The following TYR variants were observed in gnomAD, a reference collection of about 807,000 sequenced individuals.
The protein encoded by TYR is LB24-AB.
In TYR, 58 loss-of-function variants were observed where a neutral mutation model predicts 51.5. The observed-to-expected ratio is 1.13, with a 90% CI of 0.91 to 1.40. TYR has a LOEUF of 1.40. TYR is among the 40% of genes most tolerant of loss of function. The pLI, the probability that TYR is intolerant of heterozygous loss-of-function variation, is 0.00. For synonymous variants in TYR, 263 were observed against 235.2 expected (o/e 1.12, Z -1.08); for missense variants, 732 against 647.4 (o/e 1.13, Z -1.42).
intron 3 of TYR, among the ~76,000 whole-genome samples, chr11:89,263,549 A>C (rs1410583035): frequency 6.6e-6 from 1 of 152,118 alleles, no homozygotes; most frequent in East Asian, 1.9e-4. Flanking sequence ...AAAATTGTCC[A>C]CACTGGAAAG....
chr11:89,198,230 A>C (rs189625737), intron 2 of TYR, among the ~76,000 whole-genome samples: 92 of 152,138 alleles, frequency 6.0e-4, no homozygotes, highest in African/African-American at 1.9e-3. Flanking sequence ...ACAACAACAA[A>C]AAAAAAGGTC....
At chr11:89,223,105 G>A (rs1943934663) in intron 2 of TYR, among the ~76,000 whole-genome samples, 1 of 152,136 alleles carries the variant, frequency 6.6e-6, no homozygotes, top group East Asian at 1.9e-4. Flanking sequence ...ACAGGAATTG[G>A]AATCAATTAT....
intron 1 of TYR, among the ~76,000 whole-genome samples, chr11:89,184,584 C>T (rs1307159914): frequency 6.6e-6 from 1 of 152,028 alleles, no homozygotes. Context: ...AGTTCTAGTT[C>T]TCAATTATAT....
intron 4 of TYR, among the ~76,000 whole-genome samples, chr11:89,293,242 G>C (rs1479102530): frequency 2.6e-5 from 4 of 151,896 alleles, no homozygotes; most frequent in African/African-American, 9.7e-5. Flanking sequence ...TGCTCAGTAT[G>C]ATGGCATCTC....
chr11:89,203,744 T>C (rs1468782858), intron 2 of TYR, among the ~76,000 whole-genome samples: 1 of 151,776 alleles, frequency 6.6e-6, no homozygotes, highest in African/African-American at 2.4e-5. Flanking sequence ...CACCCAGAGG[T>C]ACAAACAAAA....
chr11:89,203,830 G>T (rs541644076), intron 2 of TYR, among the ~76,000 whole-genome samples: 12 of 152,148 alleles, frequency 7.9e-5, no homozygotes, highest in African/African-American at 2.7e-4. Flanking sequence ...AAAGAAAGGT[G>T]CAGAAAAGTT....
At chr11:89,208,916 G>A (rs1591155611) in intron 2 of TYR, among the ~76,000 whole-genome samples, 1 of 152,158 alleles carries the variant, frequency 6.6e-6, no homozygotes, top group East Asian at 1.9e-4. Context: ...AAGAACAAAG[G>A]TAAGACCTTT....
intron 2 of TYR, among the ~76,000 whole-genome samples, chr11:89,201,601 T>C (rs1342248204): frequency 1.3e-5 from 2 of 152,354 alleles, no homozygotes; most frequent in Non-Finnish European, 2.9e-5. Flanking sequence ...GTGAAGAATA[T>C]AATAATTACA....
chr11:89,198,160 T>C (rs1252298670), intron 2 of TYR, among the ~76,000 whole-genome samples: 1 of 152,078 alleles, frequency 6.6e-6, no homozygotes, highest in African/African-American at 2.4e-5. Context: ...GAAGCCTCCA[T>C]AGGTAATCTA....
At chr11:89,235,547 A>T (rs1944100135) in intron 3 of TYR, among the ~76,000 whole-genome samples, 1 of 152,160 alleles carries the variant, frequency 6.6e-6, no homozygotes, top group Non-Finnish European at 1.5e-5. Flanking sequence ...AGGACATTAC[A>T]TTAAGTGAAA....
chr11:89,255,838 C>CT (rs922347515), intron 3 of TYR, among the ~76,000 whole-genome samples: 5 of 151,304 alleles, frequency 3.3e-5, no homozygotes, highest in African/African-American at 4.8e-5. Flanking sequence ...TTTTATTTGT[C>CT]TTTTTTTAAG....
chr11:89,285,848 G>T (rs1483271846), intron 4 of TYR, among the ~76,000 whole-genome samples: 1 of 151,796 alleles, frequency 6.6e-6, no homozygotes. Flanking sequence ...ACGCATGAGG[G>T]TTAATTATCA....
At chr11:89,180,569 T>G (rs116797466) in intron 1 of TYR, among the ~76,000 whole-genome samples, 2,965 of 150,472 alleles carry the variant, frequency 0.02, 95 homozygotes, top group African/African-American at 0.069. Context: ...AAAAAAAGTG[T>G]GTCAAGTCAG....
At chr11:89,208,039 C>T (rs999964377) in intron 2 of TYR, among the ~76,000 whole-genome samples, 9 of 152,082 alleles carry the variant, frequency 5.9e-5, no homozygotes, top group Non-Finnish European at 8.8e-5. Flanking sequence ...GAGGCCAAGG[C>T]GGGGGGATCA....
intron 3 of TYR, among the ~76,000 whole-genome samples, chr11:89,240,717 C>A (rs1944181414): frequency 6.6e-6 from 1 of 152,088 alleles, no homozygotes; most frequent in Non-Finnish European, 1.5e-5. Flanking sequence ...CTGGACTTTG[C>A]AACTGGATAA....
chr11:89,210,468 T>C (rs1204388731), intron 2 of TYR, among the ~76,000 whole-genome samples: 79 of 152,104 alleles, frequency 5.2e-4, no homozygotes, highest in Admixed American at 5.0e-3. Flanking sequence ...ATGGGACTAT[T>C]TGAAAAGACC....
rs758747581 is a variant in TYR, at chr11:89,284,859, C to T, written c.1271C>T (p.Ser424Phe). The T allele has an allele frequency of 3.7e-6, 6 of 1,611,966 alleles. No individual in the cohort carries two copies. The South Asian group carries it at 6.6e-5, about 18-fold the overall frequency. ...GCACCCATTGGACATAACCGGGAAT[C>T]CTACATGGTTCCTTTTATACCACTG... The part of the protein sequence containing the change: ...ANAPIGHNRE[S>F]YMVPFIPLYR... Residue 424 changes from serine (S) to phenylalanine (F), a missense_variant, in exon 4 of 5, where the codon TCC becomes TTC. Transcript: ENST00000263321.
chr11:89,204,984 C>T (rs1482518662), intron 2 of TYR, among the ~76,000 whole-genome samples: 1 of 151,974 alleles, frequency 6.6e-6, no homozygotes. Flanking sequence ...ATTTAAAACA[C>T]TCATTTTTGA....
chr11:89,229,055 G>T (rs1361183729), intron 3 of TYR, among the ~76,000 whole-genome samples: 1 of 151,996 alleles, frequency 6.6e-6, no homozygotes, highest in Non-Finnish European at 1.5e-5. Flanking sequence ...TATTTTTCGT[G>T]TTTTAAAGAT....
Sources: gnomAD v4.1 joint callset for allele counts (sites outside exome capture counted in the v4.1 genomes callset) on GRCh38, gnomAD v4.1.1 for gene constraint, MANE v1.5 for transcripts, NCBI Gene and HGNC (gene_info 2026-07-23, HGNC 2026-07-21) for gene names.